Variants in WDR70 observed in about 807,000 individuals in gnomAD.
The protein encoded by WDR70 is WD repeat domain 70.
WDR70 carries 53 observed loss-of-function variants against 88.6 expected under a neutral mutation model. The observed-to-expected ratio is 0.60, with a 90% confidence interval of 0.48 to 0.75. The LOEUF (loss-of-function observed/expected upper bound fraction) is 0.75. WDR70 is among the 30% of genes least tolerant of loss of function. WDR70 has a pLI of 0.00. For missense variants in WDR70, 610 were observed against 823.2 expected (o/e 0.74, Z 3.17); for synonymous variants, 280 against 270.0 (o/e 1.04, Z -0.36).
chr5:37,439,151 C>T (rs1245253274), intron 6 of WDR70, among the ~76,000 whole-genome samples: 2 of 151,988 alleles, frequency 1.3e-5, no homozygotes, highest in Non-Finnish European at 2.9e-5. Flanking sequence ...ATCTGCTGAC[C>T]TCATGATCTT....
chr5:37,644,230 C>T (rs1745177192), intron 10 of WDR70, among the ~76,000 whole-genome samples: 1 of 132,994 alleles, frequency 7.5e-6, no homozygotes, highest in Non-Finnish European at 1.6e-5. Context: ...TTTTCAGCAC[C>T]AGTTGAAATG....
chr5:37,689,164 G>T (rs1213755597), intron 10 of WDR70, among the ~76,000 whole-genome samples: 1 of 152,212 alleles, frequency 6.6e-6, no homozygotes, highest in East Asian at 1.9e-4. Flanking sequence ...GGCTTGAGTA[G>T]GTAAACAAAG....
In WDR70 at chr5:37,519,803, C is replaced by T. The variant is rs938271003; in HGVS notation, c.917+3213C>T. ...TTGGATATATACCCAGCAGTGAGTT[C>T]GCTAAATCATATGGTAGCTCTATTT... is the stretch of plus-strand genomic sequence containing the variant. On this transcript the variant is annotated intron_variant, in intron 9 of 17. Transcript: ENST00000265107. Among the ~76,000 whole-genome samples the T allele has an allele frequency of 3.3e-5, 5 of 152,342 alleles. No individual in the cohort carries two copies. The East Asian group carries it at 5.8e-4, about 18-fold the overall frequency.
intron 9 of WDR70, among the ~76,000 whole-genome samples, chr5:37,576,102 C>T (rs1278378841): frequency 2.8e-5 from 4 of 140,886 alleles, no homozygotes; most frequent in African/African-American, 1.1e-4. Context: ...TCCCTCCCTC[C>T]CCGCCTCCTT....
intron 9 of WDR70, among the ~76,000 whole-genome samples, chr5:37,559,746 G>A (rs1278558473): frequency 6.6e-6 from 1 of 151,848 alleles, no homozygotes; most frequent in Non-Finnish European, 1.5e-5. Context: ...TTGGGAGGCT[G>A]AGGAAAGAGA....
At chr5:37,593,439 G>T (rs1367034536) in intron 9 of WDR70, among the ~76,000 whole-genome samples, 3 of 152,058 alleles carry the variant, frequency 2.0e-5, no homozygotes, top group Admixed American at 6.5e-5. Context: ...TCAGAATGAT[G>T]GTTTCCAGCT....
rs1308481907 is a variant in WDR70, at chr5:37,563,760, C to T, written c.918-41304C>T. ...GGCTGCCGGGCGGAGATGCTCCTCA[C>T]GTCCCAGACGGAGTGGCTGCCGGGC... On this transcript the variant is annotated intron_variant, in intron 9 of 17. Transcript: ENST00000265107. 2.2e-5 allele frequency among the ~76,000 whole-genome samples: 3 copies of T among 135,556 alleles called. 1 individual carries two copies. The South Asian group carries it at 8.1e-4, about 36-fold the overall frequency. The allele number at this position is 135,556 out of a possible 152,430, so 88.9% of individuals were successfully genotyped here. A position where few individuals can be genotyped will look rare whatever the true frequency, so the allele number is the denominator to read the frequency against.
At chr5:37,702,133 G>T (rs1747181665) in intron 12 of WDR70, among the ~76,000 whole-genome samples, 1 of 152,210 alleles carries the variant, frequency 6.6e-6, no homozygotes, top group African/African-American at 2.4e-5. Context: ...AGGGAAGGAA[G>T]CTGTATGAAA....
chr5:37,656,128 T>A (rs1745548347), intron 10 of WDR70, among the ~76,000 whole-genome samples: 1 of 152,160 alleles, frequency 6.6e-6, no homozygotes, highest in Non-Finnish European at 1.5e-5. Flanking sequence ...GGTTTTTGTG[T>A]GGACATCCTT....
At chr5:37,656,199 C>T (rs532242497) in intron 10 of WDR70, among the ~76,000 whole-genome samples, 1 of 152,324 alleles carries the variant, frequency 6.6e-6, no homozygotes, top group East Asian at 1.9e-4. Context: ...AGTCAGGCCC[C>T]TCTTCTGCAG....
intron 9 of WDR70, among the ~76,000 whole-genome samples, chr5:37,568,247 G>T (rs1191449546): frequency 2.6e-5 from 4 of 152,160 alleles, no homozygotes; most frequent in Admixed American, 2.6e-4. Context: ...AGGTGTGTGG[G>T]AAGTGTTTGG....
intron 5 of WDR70, among the ~76,000 whole-genome samples, chr5:37,416,752 G>A (rs549383387): frequency 6.6e-6 from 1 of 151,984 alleles, no homozygotes; most frequent in East Asian, 1.9e-4. Flanking sequence ...GCTAATTTTT[G>A]TAATTTTAGT....
At chr5:37,475,671 T>A (rs1419470872) in intron 7 of WDR70, among the ~76,000 whole-genome samples, 3 of 152,198 alleles carry the variant, frequency 2.0e-5, no homozygotes, top group African/African-American at 7.2e-5. Flanking sequence ...TTGTCTTTTT[T>A]ATGCAGAAGT....
chr5:37,404,565 G>A (rs1393433421), intron 5 of WDR70, among the ~76,000 whole-genome samples: 3 of 152,052 alleles, frequency 2.0e-5, no homozygotes, highest in South Asian at 2.1e-4. Flanking sequence ...ATAAGCTCCT[G>A]GTTTTTTGAA....
intron 10 of WDR70, among the ~76,000 whole-genome samples, chr5:37,679,278 A>G (rs888372141): frequency 2.8e-4 from 42 of 152,164 alleles, no homozygotes; most frequent in Admixed American, 2.4e-3. Context: ...CTGGTGAGGA[A>G]CTGCATTCCT....
chr5:37,380,030 A>G (rs964471197), intron 2 of WDR70, among the ~76,000 whole-genome samples: 3 of 152,248 alleles, frequency 2.0e-5, no homozygotes, highest in African/African-American at 7.2e-5. Flanking sequence ...AGAATTAAGA[A>G]TGCCATTTTT....
chr5:37,680,075 TA>T (rs1025397677), intron 10 of WDR70, among the ~76,000 whole-genome samples: 35 of 152,242 alleles, frequency 2.3e-4, no homozygotes, highest in African/African-American at 8.2e-4. Flanking sequence ...TTTGACTTTT[TA>T]ATTATAGCCA....
intron 12 of WDR70, 30 bp downstream of exon 12, chr5:37,701,172 G>A (rs1405991921): frequency 1.5e-6 from 2 of 1,372,966 alleles, no homozygotes; most frequent in Middle Eastern, 1.8e-4. Context: ...TATTTGATCA[G>A]CATAGAAGAA....
chr5:37,449,354 G>A (rs1164539679), intron 7 of WDR70, among the ~76,000 whole-genome samples: 3 of 152,104 alleles, frequency 2.0e-5, no homozygotes. Context: ...CACTTTGGGA[G>A]GCTGAGGCGG....
Sources: gnomAD v4.1 joint callset for allele counts (sites outside exome capture counted in the v4.1 genomes callset) on GRCh38, gnomAD v4.1.1 for gene constraint, MANE v1.5 for transcripts, NCBI Gene and HGNC (gene_info 2026-07-23, HGNC 2026-07-21) for gene names.